The following QRICH1 variants were observed in gnomAD, a reference collection of about 807,000 sequenced individuals.
QRICH1 encodes glutamine rich 1, also known as transcriptional regulator QRICH1.
In QRICH1, 16 loss-of-function variants were observed where a neutral mutation model predicts 87.1. The ratio of observed to expected loss-of-function variants is 0.18; its 90% CI spans 0.12 to 0.28. The LOEUF is 0.28. QRICH1 is among the 10% of genes least tolerant of loss of function. The pLI is 1.00. For missense variants in QRICH1, 647 were observed against 951.7 expected, an observed-to-expected ratio of 0.68 and a Z score of 4.21; for synonymous variants, 367 against 368.4, an observed-to-expected ratio of 1.00 and a Z score of 0.05.
chr3:49,062,395 T>C (rs1195177770), intron 2 of QRICH1, among the ~76,000 whole-genome samples: 1 of 112,526 alleles, frequency 8.9e-6, no homozygotes, highest in Non-Finnish European at 1.8e-5. Context: ...TTTTGGGAGG[T>C]AAAGTCTTGC....
chr3:49,047,679 C>T (rs993964031), intron 3 of QRICH1, among the ~76,000 whole-genome samples: 36 of 152,034 alleles, frequency 2.4e-4, no homozygotes, highest in African/African-American at 8.0e-4. Context: ...GACGGAGTTT[C>T]GCCATGTTGG....
chr3:49,043,888 C>A (rs2093325207), intron 6 of QRICH1, among the ~76,000 whole-genome samples: 1 of 152,156 alleles, frequency 6.6e-6, no homozygotes, highest in Non-Finnish European at 1.5e-5. Context: ...GCCTATAGCT[C>A]CAGCTACTCA....
chr3:49,047,577 G>A (rs1288441949), intron 3 of QRICH1, among the ~76,000 whole-genome samples: 1 of 145,226 alleles, frequency 6.9e-6, no homozygotes, highest in African/African-American at 2.6e-5. Flanking sequence ...TCCGCCTCCC[G>A]GGTTCAAGTG....
intron 3 of QRICH1, among the ~76,000 whole-genome samples, chr3:49,053,270 C>T (rs376885945): frequency 5.9e-5 from 9 of 151,926 alleles, no homozygotes; most frequent in African/African-American, 1.2e-4. Context: ...AGGTGGATCA[C>T]GAGGTCAGGA....
intron 4 of QRICH1, 142 bp from the exon 5 acceptor site, chr3:49,046,721 C>T: frequency 1.0e-6 from 1 of 965,084 alleles, no homozygotes; most frequent in Non-Finnish European, 1.5e-6. Flanking sequence ...AATGTCAGAA[C>T]TGGCCTATAA....
intron 3 of QRICH1, among the ~76,000 whole-genome samples, chr3:49,051,944 C>A (rs1296013543): frequency 6.6e-6 from 1 of 152,164 alleles, no homozygotes; most frequent in East Asian, 1.9e-4. Context: ...GGCAATAATG[C>A]AACCCAGGTT....
At chr3:49,036,182 C>A (rs902528289) in intron 6 of QRICH1, among the ~76,000 whole-genome samples, 9 of 152,110 alleles carry the variant, frequency 5.9e-5, no homozygotes, top group African/African-American at 1.2e-4. Flanking sequence ...ATAAAAAAAA[C>A]CTAGGTATTA....
intron 2 of QRICH1, among the ~76,000 whole-genome samples, chr3:49,072,469 T>C (rs557213936): frequency 6.6e-6 from 1 of 150,722 alleles, no homozygotes; most frequent in East Asian, 2.0e-4. Context: ...GGGGTTGCAG[T>C]GAGCCAAGAT....
chr3:49,074,896 G>A (rs1034730632), intron 2 of QRICH1, among the ~76,000 whole-genome samples: 9 of 151,706 alleles, frequency 5.9e-5, no homozygotes, highest in Non-Finnish European at 8.8e-5. Context: ...GGAGAATGGC[G>A]TGAACCTGGG....
chr3:49,093,399 G>A (rs554331569), intron 1 of QRICH1: 1 of 152,358 alleles, frequency 6.6e-6, no homozygotes, highest in African/African-American at 2.4e-5. Context: ...CACCAGACCA[G>A]AAAGGACCCA....
rs572823557 is a variant in QRICH1, at chr3:49,084,876, C to T, written c.-21-7838G>A. On this transcript the variant is annotated intron_variant, in intron 1 of 9. Transcript: ENST00000395443. ...TGAATTTTCCACAAGTGGTATTAATCTAAGGCTCACGCCTGTAATCCCAGC... is the reference window on the plus strand; with the variant it reads ...TGAATTTTCCACAAGTGGTATTAATTTAAGGCTCACGCCTGTAATCCCAGC... 7.2e-5 allele frequency among the ~76,000 whole-genome samples: 11 copies of T among 152,310 alleles called. No individual in the cohort carries two copies. In the South Asian group the frequency reaches 2.1e-3, roughly 29 times the overall value.
At chr3:49,059,907 C>T (rs1287907214) in intron 2 of QRICH1, among the ~76,000 whole-genome samples, 23 of 145,938 alleles carry the variant, frequency 1.6e-4, no homozygotes, top group Admixed American at 9.0e-4. Context: ...TTTTTTGAGA[C>T]GGAGTCTCGC....
intron 7 of QRICH1, 144 bp downstream of exon 7, chr3:49,032,976 C>A: frequency 1.1e-6 from 1 of 917,034 alleles, no homozygotes; most frequent in Non-Finnish European, 1.6e-6. Context: ...CACTGGTTAC[C>A]AAATAAAATG....
chr3:49,052,755 G>A (rs573132716), intron 3 of QRICH1, among the ~76,000 whole-genome samples: 8 of 152,030 alleles, frequency 5.3e-5, no homozygotes, highest in East Asian at 1.9e-4. Flanking sequence ...CACCCACCTC[G>A]GCCTCCAAAA....
intron 1 of QRICH1, among the ~76,000 whole-genome samples, chr3:49,082,781 G>A (rs1338239290): frequency 5.9e-5 from 9 of 151,704 alleles, no homozygotes; most frequent in Non-Finnish European, 1.2e-4. Context: ...TGTAGTCCCA[G>A]CTACTCGGGA....
intron 2 of QRICH1, among the ~76,000 whole-genome samples, chr3:49,076,199 GAAAC>G (rs924643423): frequency 1.3e-5 from 2 of 152,166 alleles, no homozygotes; most frequent in African/African-American, 4.8e-5. Context: ...AAAAAAAGAA[GAAAC>G]AAACAAAGAA....
intron 1 of QRICH1, among the ~76,000 whole-genome samples, chr3:49,090,322 G>C (rs1344730284): frequency 6.6e-6 from 1 of 152,218 alleles, no homozygotes; most frequent in Non-Finnish European, 1.5e-5. Context: ...AGCCGGGCAT[G>C]GTGGCAGGCA....
chr3:49,072,096 C>T (rs1035863186), intron 2 of QRICH1, among the ~76,000 whole-genome samples: 1 of 151,804 alleles, frequency 6.6e-6, no homozygotes, highest in Non-Finnish European at 1.5e-5. Context: ...TTTGGGAGGC[C>T]GAGGTTGGCA....
chr3:49,089,513 CT>C (rs1559959454), intron 1 of QRICH1, among the ~76,000 whole-genome samples: 1 of 151,964 alleles, frequency 6.6e-6, no homozygotes, highest in African/African-American at 2.4e-5. Context: ...TATGAAGGAA[CT>C]TTTTTTTAAA....
Sources: allele counts gnomAD v4.1 joint callset (sites outside exome capture counted in the v4.1 genomes callset), GRCh38; gene constraint gnomAD v4.1.1; transcripts MANE v1.5; gene names NCBI Gene and HGNC (gene_info 2026-07-23, HGNC 2026-07-21).